Variants in KCNH5 observed in about 807,000 individuals in gnomAD.
KCNH5 encodes the protein potassium voltage-gated channel subfamily H member 5.
KCNH5 carries 46 observed loss-of-function variants against 96.1 expected under a neutral mutation model. The observed-to-expected ratio is 0.48, with a 90% CI of 0.38 to 0.61. KCNH5 has a LOEUF of 0.61. KCNH5 is among the 20% of genes least tolerant of loss of function. The pLI is 0.00. For synonymous variants in KCNH5, 439 were observed against 449.8 expected, an observed-to-expected ratio of 0.98 and a Z score of 0.30; for missense variants, 907 against 1,225.8, an observed-to-expected ratio of 0.74 and a Z score of 3.88.
At chr14:62,816,716 A>G in intron 8 of KCNH5, among the ~76,000 whole-genome samples, 1 of 152,172 alleles carries the variant, frequency 6.6e-6, no homozygotes, top group Non-Finnish European at 1.5e-5. Context: ...CAACATATGC[A>G]CCATAATAAA....
intron 10 of KCNH5, among the ~76,000 whole-genome samples, chr14:62,721,900 A>G (rs992862401): frequency 4.6e-5 from 7 of 152,186 alleles, no homozygotes; most frequent in Non-Finnish European, 8.8e-5. Context: ...CCAAGTCTCA[A>G]ATATTAATTT....
chr14:62,923,667 C>A (rs1054140138), intron 7 of KCNH5, among the ~76,000 whole-genome samples: 14 of 151,788 alleles, frequency 9.2e-5, no homozygotes, highest in African/African-American at 2.9e-4. Context: ...TAAACCCACA[C>A]CTGTAAAGTC....
chr14:62,780,291 T>C (rs958893013), intron 9 of KCNH5, among the ~76,000 whole-genome samples: 2 of 152,212 alleles, frequency 1.3e-5, no homozygotes, highest in African/African-American at 4.8e-5. Flanking sequence ...CTGGTAAAGA[T>C]AACAAAATGC....
intron 10 of KCNH5, among the ~76,000 whole-genome samples, chr14:62,764,924 A>G (rs896467841): frequency 2.0e-5 from 3 of 152,240 alleles, no homozygotes; most frequent in Admixed American, 6.5e-5. Context: ...AAAAATCAAT[A>G]TTGTTAAAAT....
At chr14:62,977,188 T>C (rs1890516091) in intron 6 of KCNH5, among the ~76,000 whole-genome samples, 1 of 151,970 alleles carries the variant, frequency 6.6e-6, no homozygotes, top group African/African-American at 2.4e-5. Flanking sequence ...CTGGCCATCA[T>C]GGTGAAATAC....
chr14:62,803,807 A>G (rs973558187), intron 8 of KCNH5, among the ~76,000 whole-genome samples: 2 of 152,190 alleles, frequency 1.3e-5, no homozygotes, highest in Admixed American at 1.3e-4. Flanking sequence ...GTGCAAACTC[A>G]TTTAGAATCC....
At chr14:62,743,711 C>T (rs10047858) in intron 10 of KCNH5, among the ~76,000 whole-genome samples, 57,249 of 151,916 alleles carry the variant, frequency 0.38, 10,876 homozygotes, top group South Asian at 0.54. Flanking sequence ...AGGTCCTTTA[C>T]CACCATATTC....
intron 7 of KCNH5, among the ~76,000 whole-genome samples, chr14:62,874,211 C>T (rs1595665355): frequency 6.6e-6 from 1 of 152,038 alleles, no homozygotes; most frequent in East Asian, 1.9e-4. Context: ...AATGTAGCAT[C>T]TTGTGTATAA....
At chr14:62,881,713 A>G (rs1381336040) in intron 7 of KCNH5, among the ~76,000 whole-genome samples, 1 of 152,128 alleles carries the variant, frequency 6.6e-6, no homozygotes, top group Non-Finnish European at 1.5e-5. Context: ...GTACCACAAC[A>G]GTACTCTGCA....
intron 10 of KCNH5, among the ~76,000 whole-genome samples, chr14:62,759,160 C>A (rs1297185186): frequency 6.6e-6 from 1 of 152,090 alleles, no homozygotes; most frequent in Non-Finnish European, 1.5e-5. Context: ...TTATTATAGT[C>A]CTGGTCACTT....
chr14:62,789,519 T>G (rs1353518995), intron 9 of KCNH5, among the ~76,000 whole-genome samples: 1 of 151,958 alleles, frequency 6.6e-6, no homozygotes, highest in Admixed American at 6.6e-5. Flanking sequence ...TTTTCCATAA[T>G]GGCTGCTCCA....
intron 7 of KCNH5, among the ~76,000 whole-genome samples, chr14:62,880,704 CTG>C (rs1888474937): frequency 1.3e-5 from 2 of 152,194 alleles, no homozygotes; most frequent in Admixed American, 6.5e-5. Flanking sequence ...GAAGAGAGGA[CTG>C]TGAATAATTT....
intron 10 of KCNH5, among the ~76,000 whole-genome samples, chr14:62,764,211 G>C (rs1885812947): frequency 6.6e-6 from 1 of 152,116 alleles, no homozygotes; most frequent in African/African-American, 2.4e-5. Context: ...TGCAAGACTG[G>C]TTAAACACAT....
chr14:63,006,750 G>A (rs143147164), intron 2 of KCNH5, among the ~76,000 whole-genome samples: 2 of 152,276 alleles, frequency 1.3e-5, no homozygotes, highest in Admixed American at 6.5e-5. Context: ...TGCACAAAGT[G>A]CAAGCTTTGC....
intron 7 of KCNH5, among the ~76,000 whole-genome samples, chr14:62,868,543 AT>A (rs1051161334): frequency 6.6e-6 from 1 of 152,082 alleles, no homozygotes; most frequent in African/African-American, 2.4e-5. Flanking sequence ...TGCTTTTAAA[AT>A]TTTTTAATTT....
rs1449982287 is a variant in KCNH5 at position 62,753,301 on chromosome 14, C to T, written c.2019+26427G>A. Among the ~76,000 whole-genome samples the T allele has an allele frequency of 4.0e-5, 6 of 151,306 alleles. No homozygotes were observed. In the South Asian group the frequency reaches 8.4e-4, roughly 21 times the overall value. On this transcript the variant is annotated intron_variant, in intron 10 of 10. Transcript: ENST00000322893. ...TAAAGACAGGCTATTTGAAAATAGACAGAAGAGAAAAAAGAAGAAAAAAGA... is the reference window on the plus strand; with the variant it reads ...TAAAGACAGGCTATTTGAAAATAGATAGAAGAGAAAAAAGAAGAAAAAAGA...
chr14:62,962,265 T>G (rs189691766), intron 6 of KCNH5, among the ~76,000 whole-genome samples: 155 of 152,262 alleles, frequency 1.0e-3, no homozygotes, highest in African/African-American at 3.7e-3. Flanking sequence ...ATTTGGTTTA[T>G]CAGTGCCACA....
chr14:63,035,340 C>T (rs1403715797), intron 1 of KCNH5, among the ~76,000 whole-genome samples: 1 of 152,168 alleles, frequency 6.6e-6, no homozygotes, highest in African/African-American at 2.4e-5. Context: ...CCAACCTGCA[C>T]ACATGATAGA....
intron 8 of KCNH5, among the ~76,000 whole-genome samples, chr14:62,818,312 T>A (rs904535771): frequency 6.6e-6 from 1 of 152,288 alleles, no homozygotes; most frequent in Admixed American, 6.5e-5. Context: ...TTCACATATA[T>A]ATCAAATTCT....
Sources: allele counts gnomAD v4.1 joint callset (sites outside exome capture counted in the v4.1 genomes callset), GRCh38; gene constraint gnomAD v4.1.1; transcripts MANE v1.5; gene names NCBI Gene and HGNC (gene_info 2026-07-23, HGNC 2026-07-21).